The following EPB41L2 variants were observed in gnomAD, a reference collection of about 807,000 sequenced individuals.
EPB41L2 encodes the protein band 4.1-like protein 2.
A neutral mutation model predicts 113.0 loss-of-function variants in EPB41L2; 43 were observed. That is an observed-to-expected ratio of 0.38 (90% confidence interval 0.30 to 0.49). The LOEUF is 0.49. EPB41L2 is among the 20% of genes least tolerant of loss of function. The pLI is 0.95. For synonymous variants in EPB41L2, 442 were observed against 436.7 expected (o/e 1.01, Z -0.15); for missense variants, 1,147 against 1,223.4 (o/e 0.94, Z 0.93).
At chr6:130,884,949 C>T in intron 12 of EPB41L2, 147 bp downstream of exon 12, 1 of 850,772 alleles carries the variant, frequency 1.2e-6, no homozygotes. Context: ...GGTTAGAGAC[C>T]ACTATGCATA....
intron 1 of EPB41L2, among the ~76,000 whole-genome samples, chr6:131,006,857 C>T (rs1785684452): frequency 1.3e-5 from 2 of 152,140 alleles, no homozygotes; most frequent in East Asian, 1.9e-4. Flanking sequence ...CCCTCTTCTC[C>T]AACAATTCTC....
At chr6:131,023,042 G>T (rs1367240808) in intron 1 of EPB41L2, among the ~76,000 whole-genome samples, 1 of 151,986 alleles carries the variant, frequency 6.6e-6, no homozygotes, top group Non-Finnish European at 1.5e-5. Context: ...TTAGTAAAAA[G>T]TATTGAATCT....
At chr6:130,984,871 T>C (rs907468864) in intron 1 of EPB41L2, among the ~76,000 whole-genome samples, 2 of 152,112 alleles carry the variant, frequency 1.3e-5, no homozygotes. Context: ...GAATGGTAAA[T>C]AGAAGAAACT....
At chr6:131,040,172 TCACACCTG>T in intron 1 of EPB41L2, among the ~76,000 whole-genome samples, 1 of 152,304 alleles carries the variant, frequency 6.6e-6, no homozygotes, top group South Asian at 2.1e-4. Flanking sequence ...GTGCAGTGGC[TCACACCTG>T]CAATTCCAGC....
At chr6:131,062,838 C>T (rs1229479373) in intron 1 of EPB41L2, among the ~76,000 whole-genome samples, 1 of 151,914 alleles carries the variant, frequency 6.6e-6, no homozygotes, top group African/African-American at 2.4e-5. Context: ...CCCGGTCCCC[C>T]GGAAGAGGGA....
chr6:130,876,681 G>A (rs753666849), intron 14 of EPB41L2: 268 of 1,303,094 alleles, frequency 2.1e-4, no homozygotes, highest in Non-Finnish European at 2.5e-4. Flanking sequence ...CACCTTGTCC[G>A]TCTCCTGAGC....
In EPB41L2 at chr6:130,884,426, G is replaced by A. The variant is rs150528068; in HGVS notation, c.1833+670C>T. Reference sequence around the variant, plus strand: ...TCTGTGCTTACTTCCAATGTTGCATGCAAAAAAAAGTCGCTTTGTGCAGAC... The same window carrying A: ...TCTGTGCTTACTTCCAATGTTGCATACAAAAAAAAGTCGCTTTGTGCAGAC... On this transcript the variant is annotated intron_variant, in intron 12 of 19. Transcript: ENST00000337057. Among the ~76,000 whole-genome samples, 1,002 of 152,218 alleles carry A rather than the reference G, an allele frequency of 6.6e-3. 17 individuals are homozygous for A. Among genetic ancestry groups the A allele is most frequent in the African/African-American group, 0.023 (966 of 41,550 alleles).
At chr6:131,039,841 C>CA (rs552561875) in intron 1 of EPB41L2, among the ~76,000 whole-genome samples, 2,660 of 132,414 alleles carry the variant, frequency 0.02, 34 homozygotes, top group African/African-American at 0.032. Context: ...GAAACACAAC[C>CA]AAAAAAAAAA....
chr6:131,042,631 T>G (rs754180613), intron 1 of EPB41L2, among the ~76,000 whole-genome samples: 131 of 152,112 alleles, frequency 8.6e-4, no homozygotes, highest in Non-Finnish European at 1.8e-3. Flanking sequence ...TCTTCTCACT[T>G]TTATCCTTCT....
At chr6:130,987,692 CATAAATGAATGA>C (rs1387716481) in intron 1 of EPB41L2, among the ~76,000 whole-genome samples, 18 of 125,576 alleles carry the variant, frequency 1.4e-4, no homozygotes, top group Non-Finnish European at 2.5e-4. Flanking sequence ...GACTCTGTCT[CATAAATGAATGA>C]ATGAATGAAT....
At chr6:130,895,395 C>T (rs1217404712) in intron 8 of EPB41L2, among the ~76,000 whole-genome samples, 2 of 152,190 alleles carry the variant, frequency 1.3e-5, no homozygotes, top group Non-Finnish European at 2.9e-5. Flanking sequence ...CATATGTTCT[C>T]AAGCTCCACT....
rs541035258 is a variant in EPB41L2, at chr6:130,905,514, G to A, written c.854-974C>T. ...GCTCACTGCAACCTCAACGTCCCAG[G>A]CCTAAGTGATCCTCCCATCCTAGCC... is the stretch of plus-strand genomic sequence containing the variant. On this transcript the variant is annotated intron_variant, in intron 5 of 19. Coordinates refer to ENST00000337057, the MANE Select transcript of EPB41L2 (RefSeq NM_001431.4). Among the ~76,000 whole-genome samples, 16 of 151,848 alleles carry A rather than the reference G, an allele frequency of 1.1e-4. 1 individual carries two copies. Among genetic ancestry groups the A allele is most frequent in the African/African-American group, 3.9e-4 (16 of 41,406 alleles).
chr6:131,053,675 C>T (rs142333793), intron 1 of EPB41L2, among the ~76,000 whole-genome samples: 2,045 of 152,210 alleles, frequency 0.013, 27 homozygotes, highest in Non-Finnish European at 0.021. Flanking sequence ...GCACTTGGGG[C>T]GTGACTGCCT....
intron 14 of EPB41L2, among the ~76,000 whole-genome samples, chr6:130,873,714 C>T (rs908201168): frequency 3.3e-5 from 5 of 152,174 alleles, no homozygotes; most frequent in African/African-American, 9.6e-5. Flanking sequence ...GATCTATCCT[C>T]CTCGGCCTCC....
chr6:130,911,495 A>G (rs1799384713), intron 4 of EPB41L2, among the ~76,000 whole-genome samples: 2 of 152,198 alleles, frequency 1.3e-5, no homozygotes, highest in South Asian at 2.1e-4. Flanking sequence ...CGTTCTGCAC[A>G]TGTATCCCAG....
At position 131,060,197 on chromosome 6, in the gene EPB41L2, G is replaced by GAAACA. The variant is rs545658115; in HGVS notation, c.-15+2953_-15+2957dup. On this transcript the variant is annotated intron_variant, in intron 1 of 19. Transcript: ENST00000337057. Reference sequence around the variant, plus strand: ...TTTTAGTAGAGACAGAGTAGAAACAGAAACAAAACAAAACCTTCAAAAATA... The same window carrying GAAACA: ...TTTTAGTAGAGACAGAGTAGAAACAGAAACAAAACAAAACAAAACCTTCAAAAATA... Among the ~76,000 whole-genome samples the GAAACA allele has an allele frequency of 3.5e-4, 53 of 152,260 alleles. 1 individual carries two copies. The highest frequency in any genetic ancestry group is 1.2e-3 in the African/African-American group (51 of 41,568).
chr6:130,874,937 C>T (rs375067366), intron 14 of EPB41L2, among the ~76,000 whole-genome samples: 3 of 152,140 alleles, frequency 2.0e-5, no homozygotes, highest in Non-Finnish European at 4.4e-5. Flanking sequence ...TTCTGAAGGA[C>T]AGGTTATGAA....
rs1584081624 is a variant in EPB41L2, at chr6:130,968,491, G to A, written c.-14-11992C>T. 7.2e-5 allele frequency among the ~76,000 whole-genome samples: 11 copies of A among 152,300 alleles called. 2 individuals carry two copies. The South Asian group carries it at 2.3e-3, about 32-fold the overall frequency. ...TAAGTAATTATAGCACTACTAAAGA[G>A]TTCTACCAATACATAGCATATATTC... On this transcript the variant is annotated intron_variant, in intron 1 of 19. Transcript: ENST00000337057.
At chr6:130,906,970 C>T (rs1477695815) in intron 5 of EPB41L2, among the ~76,000 whole-genome samples, 1 of 152,044 alleles carries the variant, frequency 6.6e-6, no homozygotes, top group African/African-American at 2.4e-5. Flanking sequence ...TCTGAAATAA[C>T]TTTTTGAAAC....
Sources: allele counts gnomAD v4.1 joint callset (sites outside exome capture counted in the v4.1 genomes callset), GRCh38; gene constraint gnomAD v4.1.1; transcripts MANE v1.5; gene names NCBI Gene and HGNC (gene_info 2026-07-23, HGNC 2026-07-21).